TRPM7: variants seen among roughly 807,000 people sequenced by gnomAD.
The protein encoded by TRPM7 is LTRPC ion channel family member 7.
Under a neutral mutation model 229.7 loss-of-function variants are expected in TRPM7, and 134 were observed. The ratio of observed to expected loss-of-function variants is 0.58; its 90% CI spans 0.51 to 0.67. TRPM7 has a LOEUF of 0.67. Among genes scored for constraint, TRPM7 ranks in the 30% least tolerant of loss-of-function variants. The pLI, the probability that TRPM7 is intolerant of heterozygous loss-of-function variation, is 0.00. For missense variants in TRPM7, 1,901 were observed against 2,210.0 expected, an observed-to-expected ratio of 0.86 and a Z score of 2.80; for synonymous variants, 699 against 715.2, an observed-to-expected ratio of 0.98 and a Z score of 0.36.
At chr15:50,628,095 T>TAGTGTAA (rs1596245679) in intron 11 of TRPM7, 54 bp downstream of exon 11, 1 of 1,292,710 alleles carries the variant, frequency 7.7e-7, no homozygotes, top group East Asian at 2.3e-5. Flanking sequence ...CGCAAATACT[T>TAGTGTAA]TTTTATTACT....
At chr15:50,587,551 T>C (rs1180209584) in intron 27 of TRPM7, among the ~76,000 whole-genome samples, 1 of 151,800 alleles carries the variant, frequency 6.6e-6, no homozygotes, top group East Asian at 1.9e-4. Context: ...CACTTAAAAA[T>C]TTTCAGCACG....
At chr15:50,665,979 C>T (rs943576781) in intron 1 of TRPM7, among the ~76,000 whole-genome samples, 9 of 151,030 alleles carry the variant, frequency 6.0e-5, no homozygotes, top group South Asian at 2.1e-4. Context: ...GGCAACAGAG[C>T]GAGACTCTCT....
At chr15:50,671,356 C>T (rs1212218071) in intron 1 of TRPM7, among the ~76,000 whole-genome samples, 1 of 152,116 alleles carries the variant, frequency 6.6e-6, no homozygotes, top group African/African-American at 2.4e-5. Context: ...TAATGTCCTC[C>T]AGGCCCATCC....
At chr15:50,648,022 C>T (rs11636894) in intron 4 of TRPM7, among the ~76,000 whole-genome samples, 22,211 of 152,172 alleles carry the variant, frequency 0.15, 2,211 homozygotes, top group Admixed American at 0.28. Flanking sequence ...TCAAGCCATC[C>T]TTCCACCCTC....
chr15:50,655,437 G>GAAA (rs199686585), intron 3 of TRPM7, among the ~76,000 whole-genome samples: 9 of 89,358 alleles, frequency 1.0e-4, no homozygotes, highest in South Asian at 3.6e-4. Flanking sequence ...CATCTCAAAG[G>GAAA]AAAAAAAAAA....
chr15:50,628,160 G>A lies in TRPM7; in HGVS notation c.1294C>T (p.Gln432Ter). ...GATTATTTACATACCAGCCACTGCTGTCCATAAACAAATACATGATTTTTG... is the reference window on the plus strand; with the variant it reads ...GATTATTTACATACCAGCCACTGCTATCCATAAACAAATACATGATTTTTG... The part of the protein sequence containing the change: ...IAKNHVFVYG[Q>*]QWLVGSLEQA... Residue 432 changes from glutamine (Q) to a stop codon, truncating the protein, a stop_gained, in exon 11 of 39, where the codon CAG becomes TAG. Coordinates refer to ENST00000646667, the MANE Select transcript of TRPM7 (RefSeq NM_017672.6). LOFTEE classifies it high-confidence loss of function. The A allele has an allele frequency of 1.9e-6, 3 of 1,609,604 alleles. No homozygotes were observed. The highest frequency in any genetic ancestry group is 2.5e-6 in the Non-Finnish European group (3 of 1,176,806).
At chr15:50,581,176 T>C (rs2054389605) in intron 29 of TRPM7, among the ~76,000 whole-genome samples, 1 of 152,160 alleles carries the variant, frequency 6.6e-6, no homozygotes. Flanking sequence ...AATTTTTATA[T>C]TGTTTGAAGA....
In TRPM7 at chr15:50,632,969, G is replaced by C; in HGVS notation, c.1031C>G (p.Pro344Arg). The C allele has an allele frequency of 6.3e-7, 1 of 1,593,920 alleles. No homozygotes were observed. Among genetic ancestry groups the C allele is most frequent in the Non-Finnish European group, 8.5e-7 (1 of 1,174,278 alleles). ...TTTTTTGATAGTGGAAATAATATCG[G>C]GCTCTGCTGCATCAGGAAGATTCCT... ...EGGNLPDAAEPDIISTIKKTF... is the reference protein window; with the variant it reads ...EGGNLPDAAERDIISTIKKTF... The change falls in exon 9 of 39, where the codon CCC becomes CGC. Residue 344 changes from proline to arginine, a missense_variant. Coordinates refer to ENST00000646667, the MANE Select transcript of TRPM7 (RefSeq NM_017672.6).
Position 50,636,246 on chromosome 15 carries a change from C to T in TRPM7, c.832+1176G>A, listed in dbSNP as rs969836478. ...TGTCAACCAGGCTGAAATGCAGTGACGCGATCTTGGCTCACCTCACTGCAG... is the reference window on the plus strand; with the variant it reads ...TGTCAACCAGGCTGAAATGCAGTGATGCGATCTTGGCTCACCTCACTGCAG... On this transcript the variant is annotated intron_variant, in intron 7 of 38. Transcript: ENST00000646667. Among the ~76,000 whole-genome samples, 17 of 150,026 alleles carry T rather than the reference C, an allele frequency of 1.1e-4. 1 individual carries two copies. Among genetic ancestry groups the T allele is most frequent in the South Asian group, 2.1e-4 (1 of 4,772 alleles).
intron 12 of TRPM7, among the ~76,000 whole-genome samples, chr15:50,621,984 T>C (rs570772582): frequency 6.6e-6 from 1 of 151,568 alleles, no homozygotes. Context: ...GAGCCAAGAT[T>C]GTGCCACTGC....
intron 19 of TRPM7, 83 bp downstream of exon 19, chr15:50,609,498 C>T: frequency 7.7e-7 from 1 of 1,303,760 alleles, no homozygotes; most frequent in African/African-American, 1.5e-5. Flanking sequence ...TAAGTTATAT[C>T]AACATTAGTA....
At chr15:50,578,074 A>G (rs3105592) in intron 31 of TRPM7, among the ~76,000 whole-genome samples, 71,750 of 152,018 alleles carry the variant, frequency 0.47, 17,152 homozygotes, top group Admixed American at 0.56. Flanking sequence ...GGCAGGGACT[A>G]TAAGAAGTAG....
At chr15:50,679,912 C>T (rs1172351366) in intron 1 of TRPM7, among the ~76,000 whole-genome samples, 2 of 152,044 alleles carry the variant, frequency 1.3e-5, no homozygotes, top group Non-Finnish European at 2.9e-5. Context: ...CTAAGGATTG[C>T]CCCAGAGTAT....
chr15:50,645,613 T>TA (rs2140805208), intron 4 of TRPM7, among the ~76,000 whole-genome samples: 1 of 152,342 alleles, frequency 6.6e-6, no homozygotes, highest in South Asian at 2.1e-4. Context: ...ATTACAGGCA[T>TA]AAGCCACCGT....
intron 1 of TRPM7, 76 bp from the exon 2 acceptor site, chr15:50,663,122 C>A: frequency 9.0e-7 from 1 of 1,107,796 alleles, no homozygotes; most frequent in Non-Finnish European, 1.3e-6. Context: ...ATGATAAACA[C>A]ATAAACAGTT....
At chr15:50,583,285 C>G in intron 28 of TRPM7, 126 bp from the exon 29 acceptor site, 3 of 520,758 alleles carry the variant, frequency 5.8e-6, no homozygotes, top group Non-Finnish European at 1.0e-5. Context: ...TTCCTCAACA[C>G]GCTGAACACA....
chr15:50,562,718 A>G (rs1236356753), intron 38 of TRPM7, among the ~76,000 whole-genome samples: 1 of 150,926 alleles, frequency 6.6e-6, no homozygotes, highest in East Asian at 1.9e-4. Context: ...GATTGCAATG[A>G]CCCAAGATCA....
intron 2 of TRPM7, among the ~76,000 whole-genome samples, chr15:50,659,951 C>T (rs889176827): frequency 1.3e-5 from 2 of 152,174 alleles, no homozygotes; most frequent in Non-Finnish European, 2.9e-5. Flanking sequence ...AGGCGTGAGC[C>T]ACCACACCCG....
rs79564789 is a variant in TRPM7 at position 50,577,887 on chromosome 15, C to T, written c.4618+752G>A. On this transcript the variant is annotated intron_variant, in intron 31 of 38. Coordinates refer to ENST00000646667, the MANE Select transcript of TRPM7 (RefSeq NM_017672.6). ...AATTTTATATAGTAGTGAGAATGCA[C>T]AAATTACCACTATCCACAGCAATAT... Among the ~76,000 whole-genome samples the T allele has an allele frequency of 2.0e-5, 3 of 152,164 alleles. No individual in the cohort carries two copies. The East Asian group carries it at 5.8e-4, about 29-fold the overall frequency.
Sources: allele counts gnomAD v4.1 joint callset (sites outside exome capture counted in the v4.1 genomes callset), GRCh38; gene constraint gnomAD v4.1.1; transcripts MANE v1.5; gene names NCBI Gene and HGNC (gene_info 2026-07-23, HGNC 2026-07-21).